The following AFTPH variants were observed in gnomAD, a reference collection of about 807,000 sequenced individuals.
The protein encoded by AFTPH is aftiphilin, also known as aftiphilin protein.
In AFTPH, 7 loss-of-function variants were observed where a neutral mutation model predicts 72.5. The observed-to-expected ratio is 0.10, with a 90% CI of 0.05 to 0.18. The LOEUF is 0.18. Ranked by LOEUF, AFTPH falls within the 10% of genes least tolerant of loss-of-function variation. The pLI is 1.00. For missense variants in AFTPH, 979 were observed against 1,060.5 expected, an observed-to-expected ratio of 0.92 and a Z score of 1.07; for synonymous variants, 337 against 370.1, an observed-to-expected ratio of 0.91 and a Z score of 1.03.
intron 1 of AFTPH, among the ~76,000 whole-genome samples, chr2:64,546,645 G>T (rs1978404): frequency 6.6e-6 from 1 of 151,564 alleles, no homozygotes. Context: ...TTTTTTCTGG[G>T]ACAATTTAAG....
intron 2 of AFTPH, among the ~76,000 whole-genome samples, chr2:64,565,844 A>G (rs920232129): frequency 3.3e-5 from 5 of 152,218 alleles, no homozygotes; most frequent in African/African-American, 1.2e-4. Context: ...TTTCCATTCA[A>G]CTTACATCCT....
chr2:64,583,397 A>T (rs1673326050), intron 7 of AFTPH, among the ~76,000 whole-genome samples: 1 of 139,142 alleles, frequency 7.2e-6, no homozygotes, highest in Admixed American at 7.2e-5. Context: ...AAATCTAATC[A>T]TAGTTTTGGG....
intron 1 of AFTPH, among the ~76,000 whole-genome samples, chr2:64,542,621 C>T (rs1361812897): frequency 6.6e-6 from 1 of 151,840 alleles, no homozygotes; most frequent in African/African-American, 2.4e-5. Flanking sequence ...ATCAGCATCC[C>T]CCCGCCCCCA....
intron 1 of AFTPH, among the ~76,000 whole-genome samples, chr2:64,543,876 T>G (rs549855112): frequency 3.0e-4 from 46 of 152,332 alleles, no homozygotes; most frequent in Admixed American, 7.2e-4. Flanking sequence ...CATGACCATT[T>G]CAGACTAGAG....
chr2:64,546,802 A>G (rs1273193173), intron 1 of AFTPH, among the ~76,000 whole-genome samples: 1 of 151,924 alleles, frequency 6.6e-6, no homozygotes, highest in Non-Finnish European at 1.5e-5. Flanking sequence ...TGGGAGGCCA[A>G]GGCGGGCAGA....
chr2:64,570,372 T>A (rs1672342555), intron 5 of AFTPH, among the ~76,000 whole-genome samples: 1 of 152,222 alleles, frequency 6.6e-6, no homozygotes, highest in African/African-American at 2.4e-5. Flanking sequence ...TGAAGGAATC[T>A]TTGGTATAGA....
At chr2:64,579,396 A>G (rs146488199) in intron 6 of AFTPH, 90 bp from the exon 7 acceptor site, 11 of 978,622 alleles carry the variant, frequency 1.1e-5, no homozygotes, top group Non-Finnish European at 1.5e-5. Context: ...TTGTTGCCTA[A>G]TGGTCTTGCT....
chr2:64,581,471 T>TATTC (rs1673193638), intron 7 of AFTPH, among the ~76,000 whole-genome samples, 198 bp downstream of exon 8: 1 of 152,340 alleles, frequency 6.6e-6, no homozygotes, highest in Admixed American at 6.5e-5. Context: ...AACTTTCTAA[T>TATTC]ATTCAAAGCT....
intron 1 of AFTPH, among the ~76,000 whole-genome samples, chr2:64,541,201 A>G (rs1670231852): frequency 6.6e-6 from 1 of 152,182 alleles, no homozygotes; most frequent in Non-Finnish European, 1.5e-5. Context: ...GGCCCATAGT[A>G]AGCACTCAAT....
At chr2:64,531,557 T>C (rs1031814574) in intron 1 of AFTPH, among the ~76,000 whole-genome samples, 37 of 152,338 alleles carry the variant, frequency 2.4e-4, no homozygotes, top group African/African-American at 8.9e-4. Flanking sequence ...CCTATTCTGT[T>C]AGCAAGCTAT....
chr2:64,555,988 A>ATTTTTTTTTTTTTTTTTT (rs1671340299), intron 2 of AFTPH, among the ~76,000 whole-genome samples: 1 of 131,662 alleles, frequency 7.6e-6, no homozygotes, highest in South Asian at 2.3e-4. Context: ...CGAATTCCTC[A>ATTTTTTTTTTTTTTTTTT]CTTTTTTTTT....
chr2:64,554,108 A>C (rs1671216233), intron 2 of AFTPH, among the ~76,000 whole-genome samples: 1 of 152,318 alleles, frequency 6.6e-6, no homozygotes, highest in African/African-American at 2.4e-5. Context: ...TTATTTGCCT[A>C]TACTTTCTTA....
At chr2:64,592,115 TAAAAAAAAA>T (rs35699964) in exon 9 of AFTPH, 35 of 847,348 alleles carry the variant, frequency 4.1e-5, no homozygotes, top group Non-Finnish European at 5.5e-5. Context: ...CTGCTCTAAT[TAAAAAAAAA>T]AAAAAAAAAA....
At chr2:64,584,558 A>G (rs1673387171) in intron 7 of AFTPH, among the ~76,000 whole-genome samples, 1 of 147,796 alleles carries the variant, frequency 6.8e-6, no homozygotes. Flanking sequence ...AGAAAGAGCT[A>G]TGTGGTATAT....
At chr2:64,584,682 C>T (rs1007228197) in intron 7 of AFTPH, among the ~76,000 whole-genome samples, 7 of 150,472 alleles carry the variant, frequency 4.7e-5, no homozygotes, top group Middle Eastern at 3.4e-3. Flanking sequence ...CTGCAAGCTC[C>T]GCCTTCCGGG....
chr2:64,591,271 C>T (rs1022873133), intron 8 of AFTPH, among the ~76,000 whole-genome samples: 1 of 152,194 alleles, frequency 6.6e-6, no homozygotes, highest in African/African-American at 2.4e-5. Context: ...CCCAGAGTTC[C>T]GTCCTGCCTG....
At chr2:64,585,199 G>A (rs142641763) in intron 7 of AFTPH, among the ~76,000 whole-genome samples, 5 of 152,276 alleles carry the variant, frequency 3.3e-5, no homozygotes, top group East Asian at 1.9e-4. Flanking sequence ...GGATATATTC[G>A]TTCCAAAATG....
intron 4 of AFTPH, 146 bp from the exon 5 acceptor site, chr2:64,569,477 A>AT: frequency 1.0e-6 from 1 of 963,814 alleles, no homozygotes; most frequent in Non-Finnish European, 1.5e-6. Context: ...GGGAGATAAA[A>AT]TAACCCATAT....
rs115815037 is a variant in AFTPH, at chr2:64,554,829, C to T, written c.1935+1420C>T. ...CCTTTCCCTATTTAGTTTCATCTCA[C>T]TAGAGGATAGGGTGACACTGGTATT... On this transcript the variant is annotated intron_variant, in intron 2 of 8. Transcript: ENST00000238856. 5.2e-3 allele frequency among the ~76,000 whole-genome samples: 797 copies of T among 152,292 alleles called. 10 individuals are homozygous for T. The highest frequency in any genetic ancestry group is 0.018 in the African/African-American group (764 of 41,552).
Sources: allele counts gnomAD v4.1 joint callset (sites outside exome capture counted in the v4.1 genomes callset), GRCh38; gene constraint gnomAD v4.1.1; transcripts MANE v1.5; gene names NCBI Gene and HGNC (gene_info 2026-07-23, HGNC 2026-07-21).